CPA6: variants seen among roughly 807,000 people sequenced by gnomAD.
The protein encoded by CPA6 is carboxypeptidase B.
A neutral mutation model predicts 63.3 loss-of-function variants in CPA6; 58 were observed. The observed-to-expected ratio is 0.92, with a 90% CI of 0.74 to 1.14. CPA6 has a LOEUF of 1.14. Ranked by LOEUF, CPA6 falls within the 50% of genes most tolerant of loss-of-function variation. CPA6 has a pLI of 0.00. For missense variants in CPA6, 565 were observed against 526.6 expected (o/e 1.07, Z -0.71); for synonymous variants, 185 against 179.0 (o/e 1.03, Z -0.27).
At chr8:67,576,196 C>T (rs1325214545) in intron 2 of CPA6, among the ~76,000 whole-genome samples, 1 of 152,164 alleles carries the variant, frequency 6.6e-6, no homozygotes, top group Non-Finnish European at 1.5e-5. Context: ...GTTCTCATCA[C>T]AAACATTTCA....
intron 1 of CPA6, among the ~76,000 whole-genome samples, chr8:67,628,807 C>A (rs776511079): frequency 1.3e-5 from 2 of 152,126 alleles, no homozygotes; most frequent in African/African-American, 2.4e-5. Context: ...TTCCTATGGG[C>A]ATATTTCTGG....
At chr8:67,669,003 G>A (rs1212759477) in intron 1 of CPA6, among the ~76,000 whole-genome samples, 3 of 152,220 alleles carry the variant, frequency 2.0e-5, no homozygotes, top group Non-Finnish European at 2.9e-5. Flanking sequence ...ATGGGAGAAT[G>A]TTGAGTAAGG....
At chr8:67,666,155 G>A (rs1816222130) in intron 1 of CPA6, among the ~76,000 whole-genome samples, 1 of 152,208 alleles carries the variant, frequency 6.6e-6, no homozygotes, top group Non-Finnish European at 1.5e-5. Context: ...CTCTTCAAGA[G>A]TTCTCCTCCT....
intron 1 of CPA6, among the ~76,000 whole-genome samples, chr8:67,713,883 T>C (rs1310772961): frequency 6.6e-6 from 1 of 152,248 alleles, no homozygotes; most frequent in Non-Finnish European, 1.5e-5. Context: ...ATTCAATTGC[T>C]ATTTACTTTC....
chr8:67,699,423 A>C (rs1446627667), intron 1 of CPA6, among the ~76,000 whole-genome samples: 1 of 151,806 alleles, frequency 6.6e-6, no homozygotes. Flanking sequence ...ACAGAGCCAG[A>C]CTCTGTCTCA....
chr8:67,707,283 G>A (rs760159172), intron 1 of CPA6, among the ~76,000 whole-genome samples: 16 of 152,164 alleles, frequency 1.1e-4, no homozygotes, highest in East Asian at 7.7e-4. Flanking sequence ...GGAGTTAACC[G>A]CATGGACTGA....
At chr8:67,739,088 A>T (rs1347428536) in intron 1 of CPA6, among the ~76,000 whole-genome samples, 1 of 152,242 alleles carries the variant, frequency 6.6e-6, no homozygotes, top group Non-Finnish European at 1.5e-5. Flanking sequence ...TAAAGGGTCC[A>T]TTATCAGATT....
chr8:67,554,637 A>G (rs1813019909), intron 2 of CPA6, among the ~76,000 whole-genome samples: 1 of 152,184 alleles, frequency 6.6e-6, no homozygotes, highest in Non-Finnish European at 1.5e-5. Context: ...TCCAAGTCCA[A>G]AGACCTCTGA....
intron 1 of CPA6, among the ~76,000 whole-genome samples, chr8:67,679,648 A>G (rs937885939): frequency 3.3e-5 from 5 of 152,216 alleles, no homozygotes; most frequent in African/African-American, 7.2e-5. Context: ...AGGGGTATCC[A>G]TAGCTGTCAT....
rs1229557199 is a variant in CPA6, at chr8:67,678,227, T to TCACACACACA, written c.117-53986_117-53977dup. 7.7e-4 allele frequency among the ~76,000 whole-genome samples: 98 copies of TCACACACACA among 127,640 alleles called. 1 individual carries two copies. In the South Asian group the frequency reaches 9.6e-3, roughly 12 times the overall value. 83.7% of individuals were successfully genotyped at this position (127,640 alleles called of 152,430 possible). Reference sequence around the variant, plus strand: ...TGGGAGATAATTGTAAAACTCTGTCTCACACACACACACACACACACACAC... The same window carrying TCACACACACA: ...TGGGAGATAATTGTAAAACTCTGTCTCACACACACACACACACACACACACACACACACAC... On this transcript the variant is annotated intron_variant, in intron 1 of 10. Transcript: ENST00000297770.
At chr8:67,737,075 T>C (rs1272199994) in intron 1 of CPA6, among the ~76,000 whole-genome samples, 1 of 152,202 alleles carries the variant, frequency 6.6e-6, no homozygotes, top group Non-Finnish European at 1.5e-5. Context: ...GAGAGAACTT[T>C]CTTTTAAAAA....
At chr8:67,611,326 T>A (rs922145659) in intron 2 of CPA6, among the ~76,000 whole-genome samples, 1 of 152,154 alleles carries the variant, frequency 6.6e-6, no homozygotes, top group Non-Finnish European at 1.5e-5. Flanking sequence ...TCAGGTGATC[T>A]GCCTGCCTCA....
chr8:67,597,293 G>C (rs1182428848), intron 2 of CPA6, among the ~76,000 whole-genome samples: 1 of 150,598 alleles, frequency 6.6e-6, no homozygotes, highest in Non-Finnish European at 1.5e-5. Flanking sequence ...CCGCCTCCCA[G>C]GTTCAAGCAA....
At chr8:67,691,484 C>A (rs1024589657) in intron 1 of CPA6, among the ~76,000 whole-genome samples, 2 of 152,114 alleles carry the variant, frequency 1.3e-5, no homozygotes, top group African/African-American at 4.8e-5. Context: ...CTGAAGGATG[C>A]AGAGGATACA....
intron 8 of CPA6, among the ~76,000 whole-genome samples, chr8:67,473,626 A>G (rs1042656194): frequency 1.3e-5 from 2 of 150,088 alleles, no homozygotes; most frequent in African/African-American, 5.0e-5. Context: ...ATTTTTTGAG[A>G]CAAGGTCTCA....
chr8:67,721,207 G>A (rs1316941865), intron 1 of CPA6, among the ~76,000 whole-genome samples: 2 of 152,216 alleles, frequency 1.3e-5, no homozygotes, highest in Non-Finnish European at 2.9e-5. Context: ...TAGGTTACAA[G>A]GTCCTCTCGG....
chr8:67,652,930 A>AG (rs1233702823), intron 1 of CPA6, among the ~76,000 whole-genome samples: 9 of 150,914 alleles, frequency 6.0e-5, no homozygotes, highest in Non-Finnish European at 1.2e-4. Flanking sequence ...GGTGTAAGGA[A>AG]GGGATCCAGT....
intron 1 of CPA6, among the ~76,000 whole-genome samples, chr8:67,744,645 A>T (rs953833761): frequency 2.0e-5 from 3 of 152,128 alleles, no homozygotes; most frequent in Non-Finnish European, 4.4e-5. Context: ...CAGCCAGGAG[A>T]GTCAGAATTA....
At chr8:67,637,139 C>G (rs148783795) in intron 1 of CPA6, among the ~76,000 whole-genome samples, 3 of 151,718 alleles carry the variant, frequency 2.0e-5, no homozygotes, top group African/African-American at 7.3e-5. Flanking sequence ...AATTTAACAG[C>G]AGAGAAAAGA....
Sources: allele counts gnomAD v4.1 joint callset (sites outside exome capture counted in the v4.1 genomes callset), GRCh38; gene constraint gnomAD v4.1.1; transcripts MANE v1.5; gene names NCBI Gene and HGNC (gene_info 2026-07-23, HGNC 2026-07-21).